Variants in RASSF3 observed in about 807,000 individuals in gnomAD.
RASSF3 encodes ras association domain-containing protein 3.
RASSF3 carries 19 observed loss-of-function variants against 19.9 expected under a neutral mutation model. The observed-to-expected ratio is 0.96, with a 90% CI of 0.67 to 1.40. The LOEUF is 1.40. Among genes scored for constraint, RASSF3 ranks in the 40% most tolerant of loss-of-function variants. The pLI, the probability that RASSF3 is intolerant of heterozygous loss-of-function variation, is 0.00. For missense variants in RASSF3, 306 were observed against 289.8 expected, an observed-to-expected ratio of 1.06 and a Z score of -0.41; for synonymous variants, 110 against 104.2, an observed-to-expected ratio of 1.06 and a Z score of -0.34.
chr12:64,684,013 A>AGTGTGTGT (rs10598381), intron 1 of RASSF3, among the ~76,000 whole-genome samples: 3,240 of 138,420 alleles, frequency 0.023, 110 homozygotes, highest in African/African-American at 0.075. Context: ...AGAGAGAGTG[A>AGTGTGTGT]GTGTGTGTGT....
chr12:64,514,220 G>A (rs562867733), intron 1 of RASSF3, among the ~76,000 whole-genome samples: 1 of 127,482 alleles, frequency 7.8e-6, no homozygotes, highest in Admixed American at 8.6e-5. Context: ...TTGAGATGGA[G>A]TCTCGCTCTG....
chr12:64,650,072 A>AT, intron 1 of RASSF3, among the ~76,000 whole-genome samples: 1 of 152,300 alleles, frequency 6.6e-6, no homozygotes, highest in East Asian at 1.9e-4. Flanking sequence ...TAGTGGGACC[A>AT]TTTATTTGTC....
intron 1 of RASSF3, among the ~76,000 whole-genome samples, chr12:64,652,918 C>T (rs1211021018): frequency 6.6e-6 from 1 of 152,140 alleles, no homozygotes; most frequent in Non-Finnish European, 1.5e-5. Context: ...GCTCTGGGGG[C>T]TATAAGTTCT....
intron 2 of RASSF3, among the ~76,000 whole-genome samples, chr12:64,592,442 T>C (rs1031820478): frequency 7.9e-5 from 12 of 152,210 alleles, no homozygotes; most frequent in Non-Finnish European, 1.6e-4. Flanking sequence ...ACTTTGACCA[T>C]GAGGCATTTA....
chr12:64,537,130 CT>C (rs1466199734), intron 1 of RASSF3, among the ~76,000 whole-genome samples: 11 of 152,184 alleles, frequency 7.2e-5, no homozygotes, highest in African/African-American at 2.4e-5. Flanking sequence ...ATTTCTCCCC[CT>C]ATCTCTCTGA....
At chr12:64,591,173 C>T (rs1022637663) in intron 2 of RASSF3, among the ~76,000 whole-genome samples, 22 of 152,052 alleles carry the variant, frequency 1.4e-4, no homozygotes, top group African/African-American at 4.4e-4. Flanking sequence ...CTTTTAAAAC[C>T]TCTTATTATA....
At chr12:64,618,353 G>T (rs1870623653) in intron 1 of RASSF3, among the ~76,000 whole-genome samples, 1 of 152,078 alleles carries the variant, frequency 6.6e-6, no homozygotes, top group Non-Finnish European at 1.5e-5. Flanking sequence ...TTTGAGACAA[G>T]TCTTGATCTG....
At chr12:64,595,064 C>CTTTTTTTTTTTTTT (rs1171762487) in intron 2 of RASSF3, among the ~76,000 whole-genome samples, 1 of 90,950 alleles carries the variant, frequency 1.1e-5, no homozygotes, top group Non-Finnish European at 2.0e-5. Flanking sequence ...CATATGAAAT[C>CTTTTTTTTTTTTTT]TTTTTTTTTT....
intron 2 of RASSF3, among the ~76,000 whole-genome samples, chr12:64,589,640 C>T (rs1869881426): frequency 6.6e-6 from 1 of 151,754 alleles, no homozygotes; most frequent in African/African-American, 2.4e-5. Flanking sequence ...GGTGTTTGGC[C>T]AAGTGCAGTG....
At chr12:64,568,931 C>T (rs745894610) in intron 2 of RASSF3, among the ~76,000 whole-genome samples, 5 of 152,102 alleles carry the variant, frequency 3.3e-5, no homozygotes, top group Non-Finnish European at 5.9e-5. Context: ...AGGCTGGTCT[C>T]GAACTCCTGA....
At chr12:64,532,660 C>CA (rs879604615), upstream of RASSF3, among the ~76,000 whole-genome samples, 133 of 140,790 alleles carry the variant, frequency 9.4e-4, no homozygotes, top group South Asian at 2.2e-3. Flanking sequence ...CGATTTCTAC[C>CA]AAAAAAAAAA....
rs113292202 is a variant in RASSF3, at chr12:64,622,394, G to A, written c.111+11651G>A. 14 of 504,616 alleles carry A rather than the reference G, an allele frequency of 2.8e-5. No homozygotes were observed. The African/African-American group carries it at 2.8e-4, about 10-fold the overall frequency. The allele number at this position is 504,616 out of a possible 1,614,324, so 31.3% of individuals were successfully genotyped here. On this transcript the variant is annotated intron_variant, in intron 1 of 4. Transcript: ENST00000542104. The stretch of plus-strand genomic sequence containing the variant: ...TTATTTTGTAAGTATACTAGGTATT[G>A]AAAAAAGGATGGTAGGACAAACTGC...
At chr12:64,623,010 G>T (rs1870839778) in intron 1 of RASSF3, among the ~76,000 whole-genome samples, 1 of 151,618 alleles carries the variant, frequency 6.6e-6, no homozygotes, top group African/African-American at 2.4e-5. Flanking sequence ...TAGTAGAGAC[G>T]GGGTTTCACC....
intron 2 of RASSF3, among the ~76,000 whole-genome samples, chr12:64,585,490 T>A (rs1869779680): frequency 6.6e-6 from 1 of 152,244 alleles, no homozygotes; most frequent in South Asian, 2.1e-4. Flanking sequence ...GCACTATGAT[T>A]TGACACAATA....
chr12:64,598,610 A>AGGATTTT, intron 2 of RASSF3, among the ~76,000 whole-genome samples: 1 of 152,200 alleles, frequency 6.6e-6, no homozygotes, highest in South Asian at 2.1e-4. Flanking sequence ...CTCCACAGAA[A>AGGATTTT]TTCTGAGGGC....
At chr12:64,568,545 C>T (rs923057452) in intron 2 of RASSF3, among the ~76,000 whole-genome samples, 1 of 152,134 alleles carries the variant, frequency 6.6e-6, no homozygotes, top group Admixed American at 6.6e-5. Context: ...CCTTCTTCCC[C>T]TTCCTCTGTC....
rs780201626 is a variant in RASSF3 at position 64,691,588 on chromosome 12, T to C, written c.567+9T>C. 1 of 1,483,446 alleles carries C rather than the reference T, an allele frequency of 6.7e-7. No homozygotes were observed. The highest frequency in any genetic ancestry group is 9.3e-7 in the Non-Finnish European group (1 of 1,080,522). 91.9% of individuals were successfully genotyped at this position (1,483,446 alleles called of 1,614,324 possible). On this transcript the variant is annotated intron_variant, in intron 4 of 4. Coordinates refer to ENST00000542104, the MANE Select transcript of RASSF3 (RefSeq NM_178169.4). ...AACATGAAATTGGAGAGGTAAGTTA[T>C]TGTTCACTATTGCTTTAAACTATAC... is the stretch of plus-strand genomic sequence containing the variant.
Position 64,696,707 on chromosome 12 carries a change from T to G in RASSF3, c.*1795T>G, listed in dbSNP as rs1366753982. On this transcript the variant is annotated 3_prime_UTR_variant, in exon 5 of 5. Coordinates refer to ENST00000542104, the MANE Select transcript of RASSF3 (RefSeq NM_178169.4). ...AAGTTGTTATGCTGTGCCACACAAT[T>G]TACTGAGACAATCATATCTTCCTAA... is the stretch of plus-strand genomic sequence containing the variant. The G allele has an allele frequency of 6.6e-6, 1 of 152,196 alleles. No homozygotes were observed. 9.4% of individuals were successfully genotyped at this position (152,196 alleles called of 1,614,324 possible). A position where few individuals can be genotyped will look rare whatever the true frequency, so the allele number is the denominator to read the frequency against.
At chr12:64,675,045 G>GCCCC (rs1226885486) in intron 1 of RASSF3, among the ~76,000 whole-genome samples, 4 of 57,524 alleles carry the variant, frequency 7.0e-5, no homozygotes, top group Admixed American at 1.9e-4. Flanking sequence ...TACCCACCTA[G>GCCCC]CCCCCCCCCC....
Sources: gnomAD v4.1 joint callset for allele counts (sites outside exome capture counted in the v4.1 genomes callset) on GRCh38, gnomAD v4.1.1 for gene constraint, MANE v1.5 for transcripts, NCBI Gene and HGNC (gene_info 2026-07-23, HGNC 2026-07-21) for gene names.